Variants in PPM1L observed in about 807,000 individuals in gnomAD.
PPM1L encodes protein phosphatase 1L.
Under a neutral mutation model 31.4 loss-of-function variants are expected in PPM1L, and 13 were observed. That is an observed-to-expected ratio of 0.41 (90% confidence interval 0.27 to 0.66). PPM1L has a LOEUF of 0.66. PPM1L is among the 30% of genes least tolerant of loss of function. The pLI, the probability that PPM1L is intolerant of heterozygous loss-of-function variation, is 0.29. For missense variants in PPM1L, 326 were observed against 453.7 expected (o/e 0.72, Z 2.56); for synonymous variants, 184 against 175.4 (o/e 1.05, Z -0.39).
intron 1 of PPM1L, among the ~76,000 whole-genome samples, chr3:160,831,044 T>G (rs2108097497): frequency 6.6e-6 from 1 of 152,316 alleles, no homozygotes; most frequent in Non-Finnish European, 1.5e-5. Context: ...CAAGGGGGTT[T>G]AATATTGGAT....
Position 160,756,276 on chromosome 3 carries a change from C to T in PPM1L, c.-33C>T, listed in dbSNP as rs1198938806. The T allele has an allele frequency of 3.8e-6, 6 of 1,573,984 alleles. No individual in the cohort carries two copies. Among genetic ancestry groups the T allele is most frequent in the Non-Finnish European group, 4.3e-6 (5 of 1,157,064 alleles). On this transcript the variant is annotated 5_prime_UTR_variant, in exon 1 of 4. Coordinates refer to ENST00000498165, the MANE Select transcript of PPM1L (RefSeq NM_139245.4). This position sits in a 1 kb window ranked among gnomAD's most constrained non-coding sequence, Gnocchi z 6.2. The stretch of plus-strand genomic sequence containing the variant: ...CCCGGCGAGCCTTCGGGGCGCGCGT[C>T]GCTGGTGGTGGTTGAGGCTCTAGCG...
intron 1 of PPM1L, among the ~76,000 whole-genome samples, chr3:160,929,612 A>G (rs1000051229): frequency 2.0e-5 from 3 of 152,206 alleles, no homozygotes; most frequent in African/African-American, 7.2e-5. Flanking sequence ...AGTTTCTGCC[A>G]TGCCTACCCT....
At chr3:160,838,978 G>C (rs928594165) in intron 1 of PPM1L, among the ~76,000 whole-genome samples, 4 of 152,124 alleles carry the variant, frequency 2.6e-5, no homozygotes, top group Admixed American at 2.0e-4. Flanking sequence ...AAGGTCATCA[G>C]GGTAGGCCTC....
chr3:160,838,033 G>T (rs1209155037), intron 1 of PPM1L, among the ~76,000 whole-genome samples: 2 of 152,136 alleles, frequency 1.3e-5, no homozygotes, highest in Non-Finnish European at 2.9e-5. Context: ...GGAAGAGTGA[G>T]AACTAGATAG....
At chr3:160,976,784 C>CTATCTAATAGCAGATAATAGCAGA (rs1559910825) in intron 2 of PPM1L, among the ~76,000 whole-genome samples, 1 of 152,034 alleles carries the variant, frequency 6.6e-6, no homozygotes, top group Non-Finnish European at 1.5e-5. Flanking sequence ...TATTAGTCTG[C>CTATCTAATAGCAGATAATAGCAGA]TAGCGGTCTA....
chr3:160,826,311 T>C (rs1010292265), intron 1 of PPM1L, among the ~76,000 whole-genome samples: 3 of 152,298 alleles, frequency 2.0e-5, no homozygotes, highest in Admixed American at 1.3e-4. Context: ...TAATATGGAA[T>C]TTGGCCCATG....
intron 2 of PPM1L, among the ~76,000 whole-genome samples, chr3:160,982,217 C>T (rs1165673049): frequency 1.3e-5 from 2 of 152,154 alleles, no homozygotes; most frequent in African/African-American, 4.8e-5. Context: ...AGGGTCAATG[C>T]CTTTGATGTA....
intron 2 of PPM1L, among the ~76,000 whole-genome samples, chr3:161,021,843 G>A (rs990023178): frequency 3.3e-5 from 5 of 151,302 alleles, no homozygotes; most frequent in African/African-American, 1.2e-4. Context: ...GTTCTCTTCT[G>A]GTTTTTTTTA....
At chr3:160,963,661 G>T (rs908129142) in intron 2 of PPM1L, among the ~76,000 whole-genome samples, 2 of 151,998 alleles carry the variant, frequency 1.3e-5, no homozygotes, top group African/African-American at 4.8e-5. Context: ...TGAAGAGAAG[G>T]GGGATGCATT....
chr3:160,786,969 A>G (rs951602515), intron 1 of PPM1L, among the ~76,000 whole-genome samples: 31 of 152,256 alleles, frequency 2.0e-4, no homozygotes, highest in African/African-American at 7.0e-4. Context: ...AGTCCATGTT[A>G]TATAGGTACC....
intron 1 of PPM1L, among the ~76,000 whole-genome samples, chr3:160,874,247 C>CT (rs1029635894): frequency 6.6e-6 from 1 of 152,130 alleles, no homozygotes; most frequent in African/African-American, 2.4e-5. Context: ...ACAGTTTATT[C>CT]TTTTTAGCAG....
chr3:160,783,618 A>G lies in PPM1L; in HGVS notation c.399+26911A>G, dbSNP rs1356331086. Reference sequence around the variant, plus strand: ...TCCATCTCAAAAAAAAAAAAAAGAAAAAGAAAGAAAGAAAGAAAGAAATTA... The same window carrying G: ...TCCATCTCAAAAAAAAAAAAAAGAAGAAGAAAGAAAGAAAGAAAGAAATTA... On this transcript the variant is annotated intron_variant, in intron 1 of 3. Coordinates refer to ENST00000498165, the MANE Select transcript of PPM1L (RefSeq NM_139245.4). Among the ~76,000 whole-genome samples the G allele has an allele frequency of 5.0e-3, 764 of 151,384 alleles. 7 individuals are homozygous for G. The highest frequency in any genetic ancestry group is 0.018 in the African/African-American group (743 of 41,042).
intron 2 of PPM1L, among the ~76,000 whole-genome samples, chr3:161,019,010 G>A (rs76798706): frequency 0.027 from 4,065 of 152,182 alleles, 197 homozygotes; most frequent in African/African-American, 0.093. Flanking sequence ...CCCTTTTACT[G>A]AATAACTTCT....
At chr3:160,932,383 T>A (rs1016263592) in intron 1 of PPM1L, among the ~76,000 whole-genome samples, 4 of 152,174 alleles carry the variant, frequency 2.6e-5, no homozygotes, top group Admixed American at 6.5e-5. Context: ...ATTAAGAAAC[T>A]TTGTTTCTGA....
intron 1 of PPM1L, among the ~76,000 whole-genome samples, chr3:160,925,331 T>C (rs1452681085): frequency 6.6e-6 from 1 of 150,814 alleles, no homozygotes. Context: ...TTTTGAGAGG[T>C]TTTTTATTTA....
chr3:161,025,053 A>AT (rs1361190235), intron 2 of PPM1L, among the ~76,000 whole-genome samples: 1 of 152,124 alleles, frequency 6.6e-6, no homozygotes, highest in African/African-American at 2.4e-5. Flanking sequence ...GTTTTTAACA[A>AT]TTTTTTCCAG....
chr3:160,826,931 A>G (rs1226613537), intron 1 of PPM1L, among the ~76,000 whole-genome samples: 1 of 152,200 alleles, frequency 6.6e-6, no homozygotes, highest in African/African-American at 2.4e-5. Flanking sequence ...GTTTAAAAAA[A>G]CACACATGAA....
chr3:160,940,455 T>C (rs1232293849), intron 1 of PPM1L, among the ~76,000 whole-genome samples: 1 of 152,150 alleles, frequency 6.6e-6, no homozygotes, highest in Non-Finnish European at 1.5e-5. Context: ...AAAAGTGGTT[T>C]TGTGGGCTGG....
chr3:160,865,228 G>C (rs1712047167), intron 1 of PPM1L, among the ~76,000 whole-genome samples: 1 of 152,098 alleles, frequency 6.6e-6, no homozygotes, highest in Non-Finnish European at 1.5e-5. Flanking sequence ...TCTCAGAGAA[G>C]ACATGATCCA....
Sources: gnomAD v4.1 joint callset for allele counts (sites outside exome capture counted in the v4.1 genomes callset) on GRCh38, gnomAD v4.1.1 for gene constraint, Gnocchi (gnomAD v3.1) non-coding constraint, MANE v1.5 for transcripts, NCBI Gene and HGNC (gene_info 2026-07-23, HGNC 2026-07-21) for gene names.